Variants in TMEM38B observed in about 807,000 individuals in gnomAD.
TMEM38B encodes transmembrane protein 38B, also known as trimeric intracellular cation channel type B.
TMEM38B carries 24 observed loss-of-function variants against 28.7 expected under a neutral mutation model. The ratio of observed to expected loss-of-function variants is 0.84; its 90% CI spans 0.61 to 1.18. The LOEUF (loss-of-function observed/expected upper bound fraction) is 1.18. Among genes scored for constraint, TMEM38B ranks in the 50% most tolerant of loss-of-function variants. The pLI, the probability that TMEM38B is intolerant of heterozygous loss-of-function variation, is 0.00. For missense variants in TMEM38B, 380 were observed against 350.9 expected (o/e 1.08, Z -0.66); for synonymous variants, 131 against 127.7 (o/e 1.03, Z -0.17).
rs1455124232 is a variant in TMEM38B at position 105,776,003 on chromosome 9, C to T, written c.*1923C>T. On this transcript the variant is annotated 3_prime_UTR_variant, in exon 6 of 6. Transcript: ENST00000374692. Reference sequence around the variant, plus strand: ...TCAAGGCTCTTTTGTAAAAAATGTACTGGAGAACATGGCTTAGGCCTGAAA... The same window carrying T: ...TCAAGGCTCTTTTGTAAAAAATGTATTGGAGAACATGGCTTAGGCCTGAAA... 6.6e-6 allele frequency: 1 copy of T among 152,138 alleles called. No individual in the cohort carries two copies. Among genetic ancestry groups the T allele is most frequent in the Non-Finnish European group, 1.5e-5 (1 of 68,028 alleles). 9.4% of individuals were successfully genotyped at this position (152,138 alleles called of 1,614,324 possible).
chr9:105,734,597 T>C (rs1472552834), intron 4 of TMEM38B, among the ~76,000 whole-genome samples: 1 of 152,156 alleles, frequency 6.6e-6, no homozygotes, highest in Non-Finnish European at 1.5e-5. Flanking sequence ...ATATTTGTTT[T>C]ATATATTTAG....
At chr9:105,758,597 G>GT in intron 5 of TMEM38B, 1 of 971,724 alleles carries the variant, frequency 1.0e-6, no homozygotes, top group Non-Finnish European at 1.7e-6. Flanking sequence ...TCAAAGGCAG[G>GT]TGGGGATCAG....
chr9:105,727,573 A>G (rs7854687), intron 4 of TMEM38B, among the ~76,000 whole-genome samples: 2,279 of 152,314 alleles, frequency 0.015, 64 homozygotes, highest in African/African-American at 0.052. Flanking sequence ...AAATGTTCCA[A>G]TGAGCCTTTC....
chr9:105,768,655 C>A (rs1445986095), intron 5 of TMEM38B, among the ~76,000 whole-genome samples: 3 of 152,046 alleles, frequency 2.0e-5, no homozygotes, highest in Non-Finnish European at 4.4e-5. Flanking sequence ...ACGGAATTTG[C>A]CATTTCACTT....
At chr9:105,723,668 A>T (rs569580459) in intron 4 of TMEM38B, among the ~76,000 whole-genome samples, 1 of 152,032 alleles carries the variant, frequency 6.6e-6, no homozygotes, top group South Asian at 2.1e-4. Context: ...AAGTGCTGGG[A>T]TTACAGATGT....
chr9:105,714,664 A>G (rs1010551739), intron 2 of TMEM38B, among the ~76,000 whole-genome samples: 2 of 152,212 alleles, frequency 1.3e-5, no homozygotes, highest in Non-Finnish European at 2.9e-5. Context: ...TTCATATCGA[A>G]GCTCAAATTA....
intron 4 of TMEM38B, among the ~76,000 whole-genome samples, chr9:105,747,414 G>A (rs1003312603): frequency 2.6e-5 from 4 of 152,082 alleles, no homozygotes; most frequent in Admixed American, 2.0e-4. Flanking sequence ...TGTGGGATCG[G>A]TGGTGATATC....
At chr9:105,771,121 A>G (rs1319548109) in intron 5 of TMEM38B, among the ~76,000 whole-genome samples, 1 of 152,104 alleles carries the variant, frequency 6.6e-6, no homozygotes, top group Non-Finnish European at 1.5e-5. Context: ...TAGGGCTTCT[A>G]TTTTCTTTTG....
intron 4 of TMEM38B, among the ~76,000 whole-genome samples, chr9:105,741,629 A>G (rs1372236312): frequency 2.0e-5 from 3 of 152,228 alleles, no homozygotes; most frequent in African/African-American, 7.2e-5. Flanking sequence ...TGTGGAAAGC[A>G]TAACTTGTGA....
intron 4 of TMEM38B, among the ~76,000 whole-genome samples, chr9:105,734,423 G>A (rs181943802): frequency 3.7e-4 from 56 of 152,070 alleles, no homozygotes; most frequent in Admixed American, 1.9e-3. Context: ...TGCTGTTGTT[G>A]GATGGAATAT....
At chr9:105,746,710 G>A (rs908197301) in intron 4 of TMEM38B, among the ~76,000 whole-genome samples, 6 of 152,236 alleles carry the variant, frequency 3.9e-5, no homozygotes, top group African/African-American at 1.4e-4. Context: ...TATTGGCTGT[G>A]GGTTTGTCAT....
intron 2 of TMEM38B, among the ~76,000 whole-genome samples, chr9:105,716,426 A>T (rs1234287622): frequency 2.0e-5 from 3 of 149,154 alleles, no homozygotes; most frequent in Non-Finnish European, 4.4e-5. Context: ...CTTTCCAGTG[A>T]ATACCCGTTA....
At chr9:105,750,717 C>G (rs1390181340) in intron 5 of TMEM38B, among the ~76,000 whole-genome samples, 2 of 152,058 alleles carry the variant, frequency 1.3e-5, no homozygotes, top group South Asian at 2.1e-4. Flanking sequence ...AAACCGTTGC[C>G]AAATCTAAGG....
intron 4 of TMEM38B, among the ~76,000 whole-genome samples, chr9:105,730,404 A>T (rs7866807): frequency 0.034 from 5,236 of 152,284 alleles, 239 homozygotes; most frequent in African/African-American, 0.1. Flanking sequence ...CCAGCCTTGC[A>T]TCCCAAGGAT....
chr9:105,756,079 A>G (rs995885879), intron 5 of TMEM38B, among the ~76,000 whole-genome samples: 1 of 152,136 alleles, frequency 6.6e-6, no homozygotes, highest in Non-Finnish European at 1.5e-5. Context: ...AAATACAAAA[A>G]CAGAGGTTTC....
At chr9:105,765,176 T>G (rs10121695) in intron 5 of TMEM38B, among the ~76,000 whole-genome samples, 1 of 151,956 alleles carries the variant, frequency 6.6e-6, no homozygotes, top group Non-Finnish European at 1.5e-5. Context: ...GTTTATAGAT[T>G]TGTAAAATGT....
At chr9:105,747,240 G>A (rs1485007558) in intron 4 of TMEM38B, among the ~76,000 whole-genome samples, 2 of 152,166 alleles carry the variant, frequency 1.3e-5, no homozygotes, top group Admixed American at 1.3e-4. Flanking sequence ...ATTAATTATT[G>A]CCTCAATTTC....
intron 4 of TMEM38B, among the ~76,000 whole-genome samples, chr9:105,744,318 T>C (rs867590721): frequency 2.6e-5 from 4 of 152,048 alleles, no homozygotes; most frequent in Admixed American, 6.6e-5. Flanking sequence ...TTTTCTATTC[T>C]TTCAGTTGAA....
intron 2 of TMEM38B, among the ~76,000 whole-genome samples, chr9:105,708,755 C>T (rs1458347473): frequency 6.6e-6 from 1 of 151,972 alleles, no homozygotes; most frequent in African/African-American, 2.4e-5. Flanking sequence ...TCAGAGAGGC[C>T]TTCCCTGACT....
Sources: allele counts gnomAD v4.1 joint callset (sites outside exome capture counted in the v4.1 genomes callset), GRCh38; gene constraint gnomAD v4.1.1; transcripts MANE v1.5; gene names NCBI Gene and HGNC (gene_info 2026-07-23, HGNC 2026-07-21).